Variants in RIT2 observed in about 807,000 individuals in gnomAD.
RIT2 encodes the protein Ras like without CAAX 2.
A neutral mutation model predicts 23.7 loss-of-function variants in RIT2; 24 were observed. That is an observed-to-expected ratio of 1.01 (90% confidence interval 0.73 to 1.43). The LOEUF is 1.43. RIT2 is among the 40% of genes most tolerant of loss of function. The probability of loss-of-function intolerance (pLI) is 0.00; values close to 1 mark genes in which losing one functional copy is unlikely to be tolerated. For synonymous variants in RIT2, 107 were observed against 91.1 expected (o/e 1.17, Z -0.99); for missense variants, 236 against 266.9 (o/e 0.88, Z 0.81).
chr18:42,810,301 T>A (rs1030228769), intron 4 of RIT2, among the ~76,000 whole-genome samples: 3 of 151,748 alleles, frequency 2.0e-5, no homozygotes, highest in Non-Finnish European at 4.4e-5. Flanking sequence ...AAATCATTGC[T>A]TGCCTTTATA....
chr18:43,018,088 A>C (rs752835072), intron 2 of RIT2, among the ~76,000 whole-genome samples: 17 of 152,086 alleles, frequency 1.1e-4, no homozygotes, highest in Non-Finnish European at 2.4e-4. Context: ...AGTTGGGCTC[A>C]AGGTCAAACA....
intron 1 of RIT2, among the ~76,000 whole-genome samples, chr18:43,042,565 G>A (rs1242585787): frequency 6.6e-6 from 1 of 152,134 alleles, no homozygotes; most frequent in Non-Finnish European, 1.5e-5. Flanking sequence ...GGCCTTCTCT[G>A]CGAGGTGTTC....
At chr18:42,767,295 A>G (rs760173421) in intron 4 of RIT2, among the ~76,000 whole-genome samples, 32 of 152,226 alleles carry the variant, frequency 2.1e-4, no homozygotes, top group Non-Finnish European at 4.3e-4. Flanking sequence ...AGACCATGGG[A>G]ACCCACCTCT....
intron 1 of RIT2, among the ~76,000 whole-genome samples, chr18:43,095,874 T>C (rs990440217): frequency 3.9e-5 from 6 of 151,970 alleles, no homozygotes; most frequent in African/African-American, 1.4e-4. Flanking sequence ...TTTACACTAA[T>C]ATTAAAGGTG....
chr18:42,912,847 C>T (rs1256973674), intron 4 of RIT2, among the ~76,000 whole-genome samples: 1 of 151,832 alleles, frequency 6.6e-6, no homozygotes, highest in East Asian at 1.9e-4. Context: ...TTCAACATAA[C>T]CAATAGGTTT....
At chr18:43,108,877 C>T (rs1913889645) in intron 1 of RIT2, among the ~76,000 whole-genome samples, 2 of 152,114 alleles carry the variant, frequency 1.3e-5, no homozygotes, top group Admixed American at 1.3e-4. Context: ...TTTTTGCTTT[C>T]CCCTTGTTTA....
At chr18:42,921,303 T>C (rs2144131106) in intron 4 of RIT2, among the ~76,000 whole-genome samples, 1 of 152,252 alleles carries the variant, frequency 6.6e-6, no homozygotes, top group African/African-American at 2.4e-5. Context: ...AGATTGCAAT[T>C]TGTGTTTTCA....
chr18:43,058,728 A>C (rs757574850), intron 1 of RIT2, among the ~76,000 whole-genome samples: 1 of 152,084 alleles, frequency 6.6e-6, no homozygotes, highest in Non-Finnish European at 1.5e-5. Context: ...CTCTACAAAA[A>C]AAATGCAAAA....
intron 3 of RIT2, among the ~76,000 whole-genome samples, chr18:42,937,784 G>A (rs536273328): frequency 2.6e-5 from 4 of 152,224 alleles, no homozygotes; most frequent in Admixed American, 2.6e-4. Context: ...TTCATTGGGG[G>A]AACATAAAAA....
chr18:42,816,279 G>C (rs1905996121), intron 4 of RIT2, among the ~76,000 whole-genome samples: 1 of 152,148 alleles, frequency 6.6e-6, no homozygotes, highest in Admixed American at 6.5e-5. Context: ...ATTGGCTCTT[G>C]AGAGTTAGCA....
At chr18:42,984,086 C>T (rs545684283) in intron 2 of RIT2, among the ~76,000 whole-genome samples, 8 of 152,138 alleles carry the variant, frequency 5.3e-5, no homozygotes, top group African/African-American at 1.9e-4. Flanking sequence ...CACATGAACA[C>T]AAAGAAAGTA....
At chr18:43,007,850 G>A (rs1911261642) in intron 2 of RIT2, among the ~76,000 whole-genome samples, 1 of 151,614 alleles carries the variant, frequency 6.6e-6, no homozygotes, top group African/African-American at 2.4e-5. Flanking sequence ...ACTAAAACAA[G>A]GAGTGATCAA....
At chr18:42,958,684 G>A (rs558644175) in intron 3 of RIT2, among the ~76,000 whole-genome samples, 1 of 152,158 alleles carries the variant, frequency 6.6e-6, no homozygotes, top group East Asian at 1.9e-4. Context: ...ACTGCCAAGC[G>A]CAACTCCTGA....
In RIT2 at chr18:42,932,184, A is replaced by G. The variant is rs970605391; in HGVS notation, c.235-8421T>C. ...TCATTGGAGCAGATGTTTGTCCTCT[A>G]TAACATCAGAAGTACAACCAGGAAG... On this transcript the variant is annotated intron_variant, in intron 3 of 4. Coordinates refer to ENST00000326695, the MANE Select transcript of RIT2 (RefSeq NM_002930.4). Among the ~76,000 whole-genome samples the G allele has an allele frequency of 2.0e-5, 3 of 152,154 alleles. No homozygotes were observed. In the East Asian group the frequency reaches 5.8e-4, roughly 29 times the overall value.
rs562237075 is a variant in RIT2 at position 42,875,901 on chromosome 18, C to T, written c.426+47671G>A. ...GAAAATAGCATAGAAGGGATGAATG[C>T]TGTACACCAAGGATTTAACCTTAGA... On this transcript the variant is annotated intron_variant, in intron 4 of 4. Coordinates refer to ENST00000326695, the MANE Select transcript of RIT2 (RefSeq NM_002930.4). 2.6e-5 allele frequency among the ~76,000 whole-genome samples: 4 copies of T among 152,060 alleles called. No homozygotes were observed. The South Asian group carries it at 8.3e-4, about 32-fold the overall frequency.
intron 4 of RIT2, among the ~76,000 whole-genome samples, chr18:42,826,595 C>T (rs1287227969): frequency 6.6e-6 from 1 of 152,002 alleles, no homozygotes; most frequent in Non-Finnish European, 1.5e-5. Context: ...GTATCAAAAT[C>T]CTACCATCCC....
chr18:42,788,230 G>A (rs1236977480), intron 4 of RIT2, among the ~76,000 whole-genome samples: 1 of 152,022 alleles, frequency 6.6e-6, no homozygotes, highest in African/African-American at 2.4e-5. Context: ...TGAAATATTT[G>A]CTAATATATT....
intron 3 of RIT2, among the ~76,000 whole-genome samples, chr18:42,935,921 G>C (rs755083187): frequency 4.6e-5 from 7 of 151,958 alleles, no homozygotes; most frequent in African/African-American, 7.3e-5. Flanking sequence ...AGGCCAGAGT[G>C]GATTTGGCGC....
At chr18:42,747,281 A>G (rs1912940200) in intron 4 of RIT2, among the ~76,000 whole-genome samples, 1 of 151,918 alleles carries the variant, frequency 6.6e-6, no homozygotes, top group Admixed American at 6.6e-5. Context: ...AATCAATAAG[A>G]TAACCTGTTT....
Sources: gnomAD v4.1 joint callset for allele counts (sites outside exome capture counted in the v4.1 genomes callset) on GRCh38, gnomAD v4.1.1 for gene constraint, MANE v1.5 for transcripts, NCBI Gene and HGNC (gene_info 2026-07-23, HGNC 2026-07-21) for gene names.